MED27: variants seen among roughly 807,000 people sequenced by gnomAD.
MED27 encodes the protein mediator complex subunit 27.
A neutral mutation model predicts 38.2 loss-of-function variants in MED27; 30 were observed. The observed-to-expected ratio is 0.79, with a 90% CI of 0.59 to 1.07. The LOEUF (loss-of-function observed/expected upper bound fraction) is 1.07. Among genes scored for constraint, MED27 ranks in the 50% least tolerant of loss-of-function variants. MED27 has a pLI of 0.00. For synonymous variants in MED27, 122 were observed against 153.5 expected, an observed-to-expected ratio of 0.79 and a Z score of 1.52; for missense variants, 289 against 397.5, an observed-to-expected ratio of 0.73 and a Z score of 2.32.
chr9:131,877,108 T>A (rs1357501633), intron 6 of MED27, among the ~76,000 whole-genome samples: 1 of 152,190 alleles, frequency 6.6e-6, no homozygotes, highest in African/African-American at 2.4e-5. Context: ...TGTGGGGGTC[T>A]CACCTGTGCA....
At chr9:132,053,881 A>G (rs990147514) in intron 2 of MED27, among the ~76,000 whole-genome samples, 1 of 152,120 alleles carries the variant, frequency 6.6e-6, no homozygotes, top group Admixed American at 6.5e-5. Flanking sequence ...TTATATATTT[A>G]TTGTAACATG....
intron 4 of MED27, among the ~76,000 whole-genome samples, chr9:131,924,041 C>T (rs898793704): frequency 3.9e-5 from 6 of 152,158 alleles, no homozygotes; most frequent in Non-Finnish European, 8.8e-5. Context: ...ACAGGCATTT[C>T]GGCTATTTCC....
intron 2 of MED27, among the ~76,000 whole-genome samples, chr9:132,016,512 TG>T (rs1589267950): frequency 6.6e-6 from 1 of 152,184 alleles, no homozygotes; most frequent in African/African-American, 2.4e-5. Context: ...ATTTCTTAAA[TG>T]GGAAATCAAT....
At chr9:131,996,420 T>C (rs1159136376) in intron 3 of MED27, among the ~76,000 whole-genome samples, 1 of 152,098 alleles carries the variant, frequency 6.6e-6, no homozygotes, top group East Asian at 1.9e-4. Flanking sequence ...AAATCTGGAA[T>C]GGATGTCAAA....
At chr9:131,869,391 C>CAAAAAAAAAAA (rs10657924) in intron 6 of MED27, 1 of 743,120 alleles carries the variant, frequency 1.3e-6, no homozygotes, top group Non-Finnish European at 1.6e-6. Context: ...AGGCCTGGGG[C>CAAAAAAAAAAA]AAAAAAAAAA....
intron 3 of MED27, among the ~76,000 whole-genome samples, chr9:131,967,556 A>C (rs1471350224): frequency 2.7e-5 from 4 of 149,080 alleles, no homozygotes; most frequent in Non-Finnish European, 5.9e-5. Context: ...CAATGGCACG[A>C]TCTCAGCTCA....
intron 3 of MED27, among the ~76,000 whole-genome samples, chr9:131,953,052 A>G (rs1831029793): frequency 1.3e-5 from 2 of 152,282 alleles, no homozygotes; most frequent in Admixed American, 6.5e-5. Flanking sequence ...TAACAGTGAT[A>G]TAAGTATTCT....
At chr9:131,950,166 CT>C (rs1268113430) in intron 3 of MED27, among the ~76,000 whole-genome samples, 1 of 152,086 alleles carries the variant, frequency 6.6e-6, no homozygotes, top group Non-Finnish European at 1.5e-5. Context: ...AAAAAAACCC[CT>C]AATAATAAAA....
At chr9:131,970,762 A>T (rs1831459394) in intron 3 of MED27, among the ~76,000 whole-genome samples, 1 of 152,226 alleles carries the variant, frequency 6.6e-6, no homozygotes, top group Admixed American at 6.5e-5. Flanking sequence ...ACATAAGAGC[A>T]AAGAGACATC....
chr9:132,024,464 T>C (rs1002108470), intron 2 of MED27, among the ~76,000 whole-genome samples: 3 of 152,168 alleles, frequency 2.0e-5, no homozygotes, highest in African/African-American at 7.2e-5. Flanking sequence ...ATTCGCTTCC[T>C]CCAATAACAC....
intron 5 of MED27, among the ~76,000 whole-genome samples, chr9:131,886,438 C>CA (rs564410206): frequency 1.7e-4 from 26 of 152,280 alleles, no homozygotes; most frequent in African/African-American, 4.3e-4. Flanking sequence ...TCCCTACCCC[C>CA]ACTGCCTGCA....
chr9:131,880,663 G>C (rs1346980089), intron 6 of MED27, among the ~76,000 whole-genome samples: 2 of 152,180 alleles, frequency 1.3e-5, no homozygotes, highest in Non-Finnish European at 2.9e-5. Context: ...GAAGGAATTG[G>C]CGGATGCTCC....
At chr9:131,896,303 C>G (rs1291400844) in intron 4 of MED27, among the ~76,000 whole-genome samples, 4 of 152,178 alleles carry the variant, frequency 2.6e-5, no homozygotes. Flanking sequence ...TCTGGAAGGG[C>G]CACTGTTTGT....
rs145080948 is a variant in MED27 at position 131,905,385 on chromosome 9, C to T, written c.574-11393G>A. 3.5e-3 allele frequency among the ~76,000 whole-genome samples: 526 copies of T among 152,326 alleles called. 5 individuals are homozygous for T. Among genetic ancestry groups the T allele is most frequent in the African/African-American group, 0.012 (510 of 41,582 alleles). ...TGAACATGACAGTAATGAAGCCTGC[C>T]TCACACTGTGTTCCTGTCTCACTGA... On this transcript the variant is annotated intron_variant, in intron 4 of 7. Coordinates refer to ENST00000292035, the MANE Select transcript of MED27 (RefSeq NM_004269.4).
At chr9:132,012,956 C>T (rs1227268893) in intron 3 of MED27, among the ~76,000 whole-genome samples, 2 of 152,190 alleles carry the variant, frequency 1.3e-5, no homozygotes, top group Non-Finnish European at 2.9e-5. Context: ...ACAATCAACT[C>T]ATATATGCCA....
chr9:131,875,307 GC>G (rs1256806811), intron 6 of MED27, among the ~76,000 whole-genome samples: 1 of 152,174 alleles, frequency 6.6e-6, no homozygotes, highest in East Asian at 1.9e-4. Flanking sequence ...CAGATAACAT[GC>G]CTGAAAAAAT....
chr9:131,952,481 T>C (rs1831018483), intron 3 of MED27, among the ~76,000 whole-genome samples: 1 of 152,274 alleles, frequency 6.6e-6, no homozygotes, highest in South Asian at 2.1e-4. Flanking sequence ...CACTACCTTA[T>C]GTAAAGAGCA....
chr9:132,031,279 T>G (rs1438443803), intron 2 of MED27, among the ~76,000 whole-genome samples: 2 of 152,202 alleles, frequency 1.3e-5, no homozygotes, highest in East Asian at 3.8e-4. Flanking sequence ...TACCTCAGCC[T>G]TCACCAACAG....
intron 4 of MED27, among the ~76,000 whole-genome samples, chr9:131,895,998 A>G (rs1020996365): frequency 6.6e-6 from 1 of 152,052 alleles, no homozygotes; most frequent in African/African-American, 2.4e-5. Context: ...TCCCAGGTTC[A>G]AGCGATTCTC....
Sources: gnomAD v4.1 joint callset for allele counts (sites outside exome capture counted in the v4.1 genomes callset) on GRCh38, gnomAD v4.1.1 for gene constraint, MANE v1.5 for transcripts, NCBI Gene and HGNC (gene_info 2026-07-23, HGNC 2026-07-21) for gene names.